Variants in HAL observed in about 807,000 individuals in gnomAD.
HAL encodes the protein histidase.
HAL carries 85 observed loss-of-function variants against 81.1 expected under a neutral mutation model. The ratio of observed to expected loss-of-function variants is 1.05; its 90% CI spans 0.88 to 1.25. The LOEUF is 1.25. HAL is among the 50% of genes most tolerant of loss of function. HAL has a pLI of 0.00. For missense variants in HAL, 798 were observed against 836.6 expected (o/e 0.95, Z 0.57); for synonymous variants, 301 against 309.2 (o/e 0.97, Z 0.28).
chr12:95,992,737 T>C lies in HAL; in HGVS notation c.658A>G (p.Lys220Glu), dbSNP rs1166426038. ...TCCAGGGAAATGCCACTGTATCCTT[T>C]GGCTAAGACATTGATCCTTAAAGCC... ...LLALRINVLA[K>E]GYSGISLETL... Residue 220 changes from lysine (K) to glutamate (E), a missense_variant, in exon 9 of 21, where the codon AAA (lysine) becomes GAA (glutamate). Physicochemically the swap from Lys to Glu is moderately conservative, Grantham distance 56. Transcript: ENST00000261208. 6.2e-7 allele frequency: 1 copy of C among 1,612,862 alleles called. No individual in the cohort carries two copies. Among genetic ancestry groups the C allele is most frequent in the African/African-American group, 1.3e-5 (1 of 75,036 alleles).
chr12:95,991,771 C>T (rs1949973250), intron 9 of HAL, among the ~76,000 whole-genome samples: 1 of 151,630 alleles, frequency 6.6e-6, no homozygotes, highest in Non-Finnish European at 1.5e-5. Flanking sequence ...GTGCTACTAT[C>T]TGGGATTTTA....
chr12:95,988,111 A>G (rs1431483822), intron 11 of HAL, 82 bp downstream of exon 11: 3 of 792,392 alleles, frequency 3.8e-6, no homozygotes, highest in Non-Finnish European at 6.9e-6. Flanking sequence ...TTAAGGAATG[A>G]TTGAGGCTGA....
chr12:95,987,262 C>A (rs776281538), intron 11 of HAL, 48 bp from the exon 12 acceptor site: 8 of 1,492,350 alleles, frequency 5.4e-6, no homozygotes, highest in Admixed American at 5.0e-5. Flanking sequence ...TTGTAACGAA[C>A]CTACATACCC....
At position 95,978,084 on chromosome 12, in the gene HAL, A is replaced by G. The variant is rs1369910484; in HGVS notation, c.1520-6T>C. The G allele has an allele frequency of 6.2e-7, 1 of 1,613,098 alleles. No individual in the cohort carries two copies. Among genetic ancestry groups the G allele is most frequent in the Non-Finnish European group, 8.5e-7 (1 of 1,179,042 alleles). On this transcript the variant is annotated splice_polypyrimidine_tract_variant and splice_region_variant and intron_variant, in intron 17 of 20. Transcript: ENST00000261208. ...CAGAGCCTTGTTCTCAGAAACTGCA[A>G]GAGACCAGTGCCAGTTAAGAAGTGC... is the stretch of plus-strand genomic sequence containing the variant.
At position 95,980,720 on chromosome 12, in the gene HAL, G is replaced by A. The variant is rs1261089260; in HGVS notation, c.1355C>T (p.Ala452Val). ...GNFHGEYPAK[A>V]LDYLAIGIHE... ...GATGCCAATGGCCAAGTAGTCTAGG[G>A]CCTGAAAGAGGGTCTCCATTTAGTC... The change falls in exon 17 of 21, where the codon GCC becomes GTC. Residue 452 changes from alanine (A) to valine (V), a missense_variant and splice_region_variant. Physicochemically the swap from Ala to Val is moderately conservative, Grantham distance 64 (BLOSUM62 0). Coordinates refer to ENST00000261208, the MANE Select transcript of HAL (RefSeq NM_002108.4). The A allele has an allele frequency of 6.2e-7, 1 of 1,613,296 alleles. No homozygotes were observed. The highest frequency in any genetic ancestry group is 1.1e-5 in the South Asian group (1 of 91,056).
At chr12:95,977,660 A>AAAAAG (rs1428660803) in intron 18 of HAL, among the ~76,000 whole-genome samples, 1 of 150,842 alleles carries the variant, frequency 6.6e-6, no homozygotes, top group Non-Finnish European at 1.5e-5. Flanking sequence ...AAAAAAAAAA[A>AAAAAG]AGAGAAAAAA....
At chr12:95,984,524 G>A (rs7136523) in intron 14 of HAL, among the ~76,000 whole-genome samples, 2 of 152,184 alleles carry the variant, frequency 1.3e-5, no homozygotes, top group African/African-American at 4.8e-5. Flanking sequence ...AGGCAGCTAC[G>A]CTGTACAAAC....
At chr12:95,978,584 G>A (rs367611316) in intron 17 of HAL, among the ~76,000 whole-genome samples, 1 of 152,082 alleles carries the variant, frequency 6.6e-6, no homozygotes, top group African/African-American at 2.4e-5. Flanking sequence ...GGGAGGTGGG[G>A]GAATTCTAGG....
chr12:95,980,883 C>T lies in HAL; in HGVS notation c.1288-20G>A, dbSNP rs76132301. ...GACCATCTTTCAAAAGAGGTTAAGG[C>T]TTGAAGATAATGTTTGCTGGTCACT... On this transcript the variant is annotated intron_variant, in intron 15 of 20. Coordinates refer to ENST00000261208, the MANE Select transcript of HAL (RefSeq NM_002108.4). The T allele has an allele frequency of 5.1e-3, 7,547 of 1,465,880 alleles. 524 individuals are homozygous for T. In the East Asian group the frequency reaches 0.14, roughly 28 times the overall value. The allele number at this position is 1,465,880 out of a possible 1,614,324, so 90.8% of individuals were successfully genotyped here. A position where few individuals can be genotyped will look rare whatever the true frequency, so the allele number is the denominator to read the frequency against.
At chr12:95,986,702 G>A (rs890908216) in intron 12 of HAL, among the ~76,000 whole-genome samples, 4 of 151,984 alleles carry the variant, frequency 2.6e-5, no homozygotes, top group Non-Finnish European at 4.4e-5. Context: ...CTACCAATTC[G>A]ACAGTTTTTC....
At chr12:95,988,502 G>T (rs568039579) in intron 10 of HAL, among the ~76,000 whole-genome samples, 19 of 152,094 alleles carry the variant, frequency 1.2e-4, no homozygotes, top group Non-Finnish European at 2.5e-4. Context: ...CTAAATTTTG[G>T]TTTCTACGTC....
At chr12:95,976,166 C>T (rs2080716420) in intron 20 of HAL, 2 of 491,148 alleles carry the variant, frequency 4.1e-6, no homozygotes, top group Admixed American at 3.3e-5. Context: ...TTATTTTTTT[C>T]CCCATGAATA....
At chr12:95,977,729 G>A (rs2080739376) in intron 18 of HAL, among the ~76,000 whole-genome samples, 1 of 151,484 alleles carries the variant, frequency 6.6e-6, no homozygotes, top group African/African-American at 2.4e-5. Context: ...AATCTTTAGT[G>A]AAGATCAGAA....
At position 95,980,624 on chromosome 12, in the gene HAL, G is replaced by T; in HGVS notation, c.1451C>A (p.Ala484Asp). The change falls in exon 17 of 21, where the codon GCC becomes GAC. Residue 484 changes from alanine to aspartate, a missense_variant. Transcript: ENST00000261208. Reference sequence around the variant, plus strand: ...CAGACCACCTTCAGCCACCAGGAAGGCAGGCAGCTCACTGAGGGAGGGATT... The same window carrying T: ...CAGACCACCTTCAGCCACCAGGAAGTCAGGCAGCTCACTGAGGGAGGGATT... Reference protein sequence around the residue: ...LCNPSLSELPAFLVAEGGLNS... With the variant: ...LCNPSLSELPDFLVAEGGLNS... The T allele has an allele frequency of 6.2e-7, 1 of 1,613,946 alleles. No individual in the cohort carries two copies. The highest frequency in any genetic ancestry group is 8.5e-7 in the Non-Finnish European group (1 of 1,179,802).
chr12:95,993,709 G>A (rs1949999216), intron 7 of HAL, 63 bp downstream of exon 7: 3 of 999,170 alleles, frequency 3.0e-6, no homozygotes, highest in Non-Finnish European at 4.8e-6. Flanking sequence ...TATTTCCCTT[G>A]TTGAAAAATA....
chr12:95,987,066 C>T lies in HAL; in HGVS notation c.1051+1G>A. On this transcript the variant is annotated splice_donor_variant, in intron 12 of 20. Coordinates refer to ENST00000261208, the MANE Select transcript of HAL (RefSeq NM_002108.4). LOFTEE classifies it high-confidence loss of function. ...CAACCAAAAGGAAGAACCCTGCTGA[C>T]CAGTGTCAAAGGCTTTGGTGGTGCC... is the stretch of plus-strand genomic sequence containing the variant. 6.2e-7 allele frequency: 1 copy of T among 1,612,166 alleles called. No homozygotes were observed. The highest frequency in any genetic ancestry group is 8.5e-7 in the Non-Finnish European group (1 of 1,178,560).
In HAL at chr12:95,994,108, C is replaced by CT. The variant is rs758942835; in HGVS notation, c.392dup (p.Arg133ThrfsTer11). ...CCCATACCTTTATTTTGTAGCGTCC[C>CT]TTTCCCAAGTTGACCAGATCCTCCG... On this transcript the variant is annotated frameshift_variant, in exon 5 of 21. Transcript: ENST00000261208. LOFTEE classifies it high-confidence loss of function. The CT allele has an allele frequency of 3.3e-5, 53 of 1,613,356 alleles. No individual in the cohort carries two copies. Among genetic ancestry groups the CT allele is most frequent in the Admixed American group, 5.0e-5 (3 of 59,998 alleles).
At chr12:95,977,601 A>C (rs1394543077) in intron 18 of HAL, among the ~76,000 whole-genome samples, 3 of 141,528 alleles carry the variant, frequency 2.1e-5, no homozygotes, top group Non-Finnish European at 4.5e-5. Context: ...TATTGTTGCA[A>C]CACTGCACTC....
intron 10 of HAL, among the ~76,000 whole-genome samples, chr12:95,988,453 G>T (rs1949923989): frequency 2.6e-5 from 4 of 152,024 alleles, no homozygotes; most frequent in Admixed American, 2.0e-4. Context: ...ATTAATTTTT[G>T]TACTGAAATC....
Sources: allele counts gnomAD v4.1 joint callset (sites outside exome capture counted in the v4.1 genomes callset), GRCh38; gene constraint gnomAD v4.1.1; transcripts MANE v1.5; gene names NCBI Gene and HGNC (gene_info 2026-07-23, HGNC 2026-07-21).